FAF1: variants seen among roughly 807,000 people sequenced by gnomAD.
FAF1 encodes the protein Fas associated factor 1, also known as FAS-associated factor 1.
FAF1 carries 25 observed loss-of-function variants against 92.5 expected under a neutral mutation model. That is an observed-to-expected ratio of 0.27 (90% CI 0.20 to 0.38). The LOEUF (loss-of-function observed/expected upper bound fraction) is 0.38, where lower values mean the gene tolerates loss of function less well. Among genes scored for constraint, FAF1 ranks in the 10% least tolerant of loss-of-function variants. The pLI is 1.00. For synonymous variants in FAF1, 234 were observed against 273.2 expected, an observed-to-expected ratio of 0.86 and a Z score of 1.42; for missense variants, 636 against 793.3, an observed-to-expected ratio of 0.80 and a Z score of 2.38.
intron 18 of FAF1, among the ~76,000 whole-genome samples, chr1:50,445,568 G>A (rs1646218903): frequency 1.3e-5 from 2 of 152,170 alleles, no homozygotes; most frequent in Admixed American, 1.3e-4. Flanking sequence ...AATGGCAATA[G>A]GTCAAGGGTC....
chr1:50,953,800 C>T (rs189236570), intron 1 of FAF1, among the ~76,000 whole-genome samples: 1 of 152,148 alleles, frequency 6.6e-6, no homozygotes, highest in African/African-American at 2.4e-5. Flanking sequence ...AAAAGTATTA[C>T]TAGCTGAAAA....
rs59187392 is a variant in FAF1, at chr1:50,692,241, C to CTGTGTGTGTGTGTG, written c.657+13531_657+13544dup. On this transcript the variant is annotated intron_variant, in intron 7 of 18. Coordinates refer to ENST00000396153, the MANE Select transcript of FAF1 (RefSeq NM_007051.3). ...ACATATCCAGCACTTGAAGTATTTA[C>CTGTGTGTGTGTGTG]TGTGTGTGTGTGTGTGTGTGTGTGT... Among the ~76,000 whole-genome samples the CTGTGTGTGTGTGTG allele has an allele frequency of 2.1e-3, 267 of 129,066 alleles. 3 individuals carry two copies. Among genetic ancestry groups the CTGTGTGTGTGTGTG allele is most frequent in the East Asian group, 2.7e-3 (11 of 4,014 alleles). The allele number at this position is 129,066 out of a possible 152,430, so 84.7% of individuals were successfully genotyped here. A position where few individuals can be genotyped will look rare whatever the true frequency, so the allele number is the denominator to read the frequency against.
intron 6 of FAF1, among the ~76,000 whole-genome samples, chr1:50,720,740 T>C (rs1557492607): frequency 6.6e-6 from 1 of 152,218 alleles, no homozygotes; most frequent in African/African-American, 2.4e-5. Flanking sequence ...AAAAGGAGAC[T>C]GAAGGCTGAA....
At chr1:50,634,722 G>C (rs1653934452) in intron 8 of FAF1, among the ~76,000 whole-genome samples, 2 of 152,232 alleles carry the variant, frequency 1.3e-5, no homozygotes, top group South Asian at 4.1e-4. Context: ...GCCAATCACT[G>C]ATTTTTCAGT....
intron 4 of FAF1, among the ~76,000 whole-genome samples, chr1:50,754,728 A>AT (rs1660006863): frequency 6.6e-6 from 1 of 152,164 alleles, no homozygotes; most frequent in Non-Finnish European, 1.5e-5. Flanking sequence ...TATACCTGAG[A>AT]TTGGGCAATT....
chr1:50,502,534 T>C (rs894844041), intron 15 of FAF1, among the ~76,000 whole-genome samples: 16 of 152,290 alleles, frequency 1.1e-4, no homozygotes, highest in African/African-American at 3.6e-4. Flanking sequence ...ATTGGTTTCA[T>C]TGACTGTTTG....
chr1:50,815,963 G>A (rs1643968682), intron 2 of FAF1, among the ~76,000 whole-genome samples: 1 of 151,268 alleles, frequency 6.6e-6, no homozygotes, highest in Non-Finnish European at 1.5e-5. Flanking sequence ...GGAGGTAGAG[G>A]TTGCAGTGAG....
chr1:50,732,149 A>C (rs1197686463), intron 6 of FAF1, among the ~76,000 whole-genome samples: 1 of 152,068 alleles, frequency 6.6e-6, no homozygotes, highest in Non-Finnish European at 1.5e-5. Flanking sequence ...ATCTCAGCTC[A>C]CTGCAACCTC....
intron 18 of FAF1, among the ~76,000 whole-genome samples, chr1:50,448,748 G>T (rs888481469): frequency 2.1e-4 from 32 of 152,294 alleles, no homozygotes; most frequent in African/African-American, 7.5e-4. Flanking sequence ...CGGTAACAAA[G>T]GAGGTGATAT....
intron 2 of FAF1, among the ~76,000 whole-genome samples, chr1:50,809,656 G>A (rs188115474): frequency 6.6e-6 from 1 of 152,276 alleles, no homozygotes; most frequent in African/African-American, 2.4e-5. Flanking sequence ...GCCAGGACCA[G>A]ACACAGTCAT....
At chr1:50,459,445 A>G (rs917272091) in intron 18 of FAF1, among the ~76,000 whole-genome samples, 1 of 152,158 alleles carries the variant, frequency 6.6e-6, no homozygotes, top group Non-Finnish European at 1.5e-5. Context: ...CTCAGACTCA[A>G]CAAATCCCAA....
intron 15 of FAF1, among the ~76,000 whole-genome samples, chr1:50,527,860 C>CCTCTCCCT (rs1647911271): frequency 3.3e-5 from 2 of 61,102 alleles, no homozygotes; most frequent in Non-Finnish European, 7.2e-5. Context: ...TCCCTCTCTC[C>CCTCTCCCT]CTCTCTCCCT....
At chr1:50,819,753 ATATATATATACG>A (rs1644022475) in intron 2 of FAF1, among the ~76,000 whole-genome samples, 4 of 73,492 alleles carry the variant, frequency 5.4e-5, no homozygotes, top group South Asian at 4.1e-4. Context: ...ATATATATAC[ATATATATATACG>A]TATATATATA....
intron 6 of FAF1, among the ~76,000 whole-genome samples, chr1:50,717,341 A>G (rs542204998): frequency 2.4e-4 from 37 of 152,304 alleles, no homozygotes; most frequent in African/African-American, 8.9e-4. Context: ...GTGTTCTTAT[A>G]AGAAGAGAAA....
chr1:50,475,725 C>T, intron 17 of FAF1, 46 bp from the exon 18 acceptor site: 1 of 1,339,114 alleles, frequency 7.5e-7, no homozygotes, highest in Non-Finnish European at 1.0e-6. Context: ...AAGGACTGGA[C>T]TATGGAGAGT....
chr1:50,668,839 G>GA (rs376905414), intron 7 of FAF1, among the ~76,000 whole-genome samples: 9 of 151,974 alleles, frequency 5.9e-5, no homozygotes, highest in East Asian at 3.9e-4. Context: ...TTAAGATCAG[G>GA]AAAAAAAATT....
At chr1:50,466,540 G>C (rs1454003288) in intron 18 of FAF1, among the ~76,000 whole-genome samples, 2 of 152,164 alleles carry the variant, frequency 1.3e-5, no homozygotes, top group Admixed American at 6.5e-5. Flanking sequence ...GACTGGATGA[G>C]AGCGCTTAGA....
At chr1:50,888,577 T>C (rs1476125343) in intron 1 of FAF1, among the ~76,000 whole-genome samples, 2 of 152,204 alleles carry the variant, frequency 1.3e-5, no homozygotes, top group African/African-American at 4.8e-5. Flanking sequence ...TGAGACTTTT[T>C]AGCATGAAGG....
chr1:50,823,748 C>T (rs1261899945), intron 2 of FAF1, among the ~76,000 whole-genome samples: 13 of 151,532 alleles, frequency 8.6e-5, no homozygotes, highest in Admixed American at 8.5e-4. Context: ...AGAGATTACC[C>T]AGCGAAAACA....
Sources: allele counts gnomAD v4.1 joint callset (sites outside exome capture counted in the v4.1 genomes callset), GRCh38; gene constraint gnomAD v4.1.1; transcripts MANE v1.5; gene names NCBI Gene and HGNC (gene_info 2026-07-23, HGNC 2026-07-21).